IQSEC1: variants seen among roughly 807,000 people sequenced by gnomAD.
IQSEC1 encodes IQ motif and SEC7 domain-containing protein 1.
Under a neutral mutation model 91.0 loss-of-function variants are expected in IQSEC1, and 31 were observed. The observed-to-expected ratio is 0.34, with a 90% CI of 0.26 to 0.46. The LOEUF is 0.46. Ranked by LOEUF, IQSEC1 falls within the 20% of genes least tolerant of loss-of-function variation. IQSEC1 has a pLI of 1.00. For missense variants in IQSEC1, 1,388 were observed against 1,575.6 expected (o/e 0.88, Z 2.02); for synonymous variants, 699 against 662.6 (o/e 1.05, Z -0.84).
intron 1 of IQSEC1, among the ~76,000 whole-genome samples, chr3:13,007,129 C>T (rs1209017008): frequency 6.6e-6 from 1 of 152,200 alleles, no homozygotes; most frequent in Non-Finnish European, 1.5e-5. Context: ...GGGTGGAGTG[C>T]AGGAGAGGAA....
rs938901673 is a variant in IQSEC1, at chr3:13,274,452, G to A, written c.272+8259C>T. Among the ~76,000 whole-genome samples the A allele has an allele frequency of 9.2e-5, 14 of 152,238 alleles. 1 individual carries two copies. The South Asian group carries it at 2.1e-3, about 23-fold the overall frequency. On this transcript the variant is annotated intron_variant, in intron 1 of 15. Transcript: ENST00000648114. ...CTCCTGCGGTTCCCACGGAGGGGGC[G>A]GGCTCAGGCCCCTTGGTTCTCCACG...
At chr3:12,968,335 C>G (rs1700738837) in intron 1 of IQSEC1, among the ~76,000 whole-genome samples, 1 of 152,138 alleles carries the variant, frequency 6.6e-6, no homozygotes, top group Non-Finnish European at 1.5e-5. Context: ...AAAGTTGCTT[C>G]TTTCTCCCTA....
intron 1 of IQSEC1, among the ~76,000 whole-genome samples, chr3:13,072,484 C>T (rs893369926): frequency 6.6e-6 from 1 of 152,240 alleles, no homozygotes; most frequent in Non-Finnish European, 1.5e-5. Flanking sequence ...CCACAGAACA[C>T]CTGGGCACAC....
chr3:13,048,367 G>T (rs1179773737), intron 1 of IQSEC1, among the ~76,000 whole-genome samples: 1 of 152,198 alleles, frequency 6.6e-6, no homozygotes, highest in East Asian at 1.9e-4. Context: ...CCCACCTGGG[G>T]AGCATCAGCT....
intron 2 of IQSEC1, among the ~76,000 whole-genome samples, chr3:13,123,383 G>A (rs561436666): frequency 5.3e-5 from 8 of 152,362 alleles, no homozygotes; most frequent in Non-Finnish European, 7.3e-5. Flanking sequence ...TGGTGCTGGC[G>A]GAGTCAGGTC....
chr3:13,089,478 A>C (rs12492976), intron 2 of IQSEC1, among the ~76,000 whole-genome samples: 17,988 of 152,014 alleles, frequency 0.12, 1,110 homozygotes, highest in Middle Eastern at 0.21. Flanking sequence ...CCAGCTACTT[A>C]GGAGGCTGAG....
intron 1 of IQSEC1, among the ~76,000 whole-genome samples, chr3:12,974,004 T>TA (rs1284003228): frequency 4.1e-4 from 63 of 152,290 alleles, no homozygotes; most frequent in African/African-American, 1.5e-3. Flanking sequence ...GAATAAAAAT[T>TA]AGACGCAGCT....
intron 1 of IQSEC1, among the ~76,000 whole-genome samples, chr3:13,168,859 A>T (rs1693549839): frequency 6.6e-6 from 1 of 152,128 alleles, no homozygotes; most frequent in African/African-American, 2.4e-5. Flanking sequence ...GGCCCCCCAG[A>T]TTCTCTGCCA....
At chr3:13,185,678 G>T (rs752389370) in intron 1 of IQSEC1, among the ~76,000 whole-genome samples, 1 of 152,226 alleles carries the variant, frequency 6.6e-6, no homozygotes, top group African/African-American at 2.4e-5. Context: ...TGGGGAACCC[G>T]AGGTTCACAG....
At chr3:12,912,836 G>A (rs1695699478) in intron 9 of IQSEC1, among the ~76,000 whole-genome samples, 1 of 152,218 alleles carries the variant, frequency 6.6e-6, no homozygotes, top group African/African-American at 2.4e-5. Context: ...TCTGGCAAGA[G>A]CTCCCCAGTT....
Position 12,909,232 on chromosome 3 carries a change from T to A in IQSEC1, c.2578+41A>T, listed in dbSNP as rs1695326505. The A allele has an allele frequency of 6.2e-7, 1 of 1,602,706 alleles. No homozygotes were observed. The highest frequency in any genetic ancestry group is 8.5e-7 in the Non-Finnish European group (1 of 1,171,750). On this transcript the variant is annotated intron_variant, in intron 11 of 13. Transcript: ENST00000613206. The surrounding 1 kb of genome is among the most constrained non-coding windows in gnomAD (Gnocchi z 4.9). ...ACATGGGGAGGCAAGTGCCAGAGTC[T>A]GGCAAGTCTCGGCCTTCTGTCCATG...
At position 12,967,467 on chromosome 3, in the gene IQSEC1, A is replaced by G; in HGVS notation, c.24-25602T>C. On this transcript the variant is annotated intron_variant, in intron 1 of 13. Transcript: ENST00000613206. This position sits in a 1 kb window ranked among gnomAD's most constrained non-coding sequence, Gnocchi z 5.9. ...GGCACCACATGGCGGCCGCAGTGGG[A>G]GCGGGCCGGGCCGGGAGCCGGGACC... The G allele has an allele frequency of 2.0e-6, 3 of 1,509,948 alleles. No individual in the cohort carries two copies. Among genetic ancestry groups the G allele is most frequent in the Non-Finnish European group, 2.6e-6 (3 of 1,134,906 alleles). The allele number at this position is 1,509,948 out of a possible 1,614,324, so 93.5% of individuals were successfully genotyped here.
intron 2 of IQSEC1, among the ~76,000 whole-genome samples, chr3:12,941,062 A>C (rs1209868208): frequency 6.6e-6 from 1 of 152,194 alleles, no homozygotes; most frequent in Non-Finnish European, 1.5e-5. Flanking sequence ...GTGAGCCAGG[A>C]GGAATAGAGC....
At chr3:13,052,968 T>C in intron 1 of IQSEC1, 5 of 1,161,462 alleles carry the variant, frequency 4.3e-6, no homozygotes, top group Non-Finnish European at 6.4e-6. Flanking sequence ...TGCAATTCTT[T>C]ATAGACCCAG....
intron 2 of IQSEC1, among the ~76,000 whole-genome samples, chr3:13,099,040 G>A (rs1185198996): frequency 1.3e-5 from 2 of 152,232 alleles, no homozygotes; most frequent in Admixed American, 1.3e-4. Flanking sequence ...GGACTTTCGG[G>A]GGATGGGGGG....
chr3:13,282,826 G>C lies in IQSEC1; in HGVS notation c.157C>G (p.Leu53Val), dbSNP rs1191330849. 6.8e-6 allele frequency among the ~76,000 whole-genome samples: 1 copy of C among 147,864 alleles called. No individual in the cohort carries two copies. Among genetic ancestry groups the C allele is most frequent in the African/African-American group, 2.4e-5 (1 of 40,962 alleles). Residue 53 changes from leucine to valine, a missense_variant, in exon 1 of 16, where the codon CTG (leucine) becomes GTG (valine). Leu to Val is a conservative substitution (Grantham distance 32). Transcript: ENST00000648114. This position sits in a 1 kb window ranked among gnomAD's most constrained non-coding sequence, Gnocchi z 6.4. The stretch of plus-strand genomic sequence containing the variant: ...AGGTGTCGCCGGTGTCGCTCCAGCA[G>C]GCCGGCGTTCTCCCGGCTCAGCCGC...
intron 1 of IQSEC1, among the ~76,000 whole-genome samples, chr3:13,012,915 T>A (rs536978553): frequency 2.3e-4 from 34 of 149,390 alleles, no homozygotes; most frequent in African/African-American, 7.2e-4. Context: ...ACACCCAAGG[T>A]CACATAGCTA....
chr3:13,218,395 A>G (rs1156473295), intron 1 of IQSEC1, among the ~76,000 whole-genome samples: 8 of 152,196 alleles, frequency 5.3e-5, no homozygotes, highest in Non-Finnish European at 1.0e-4. Context: ...TGCATGAATG[A>G]GCTGGCTGGT....
At chr3:13,257,844 T>C (rs1695318619) in intron 1 of IQSEC1, among the ~76,000 whole-genome samples, 1 of 152,136 alleles carries the variant, frequency 6.6e-6, no homozygotes, top group South Asian at 2.1e-4. Flanking sequence ...GAGCTGAAAA[T>C]GTATGTCCAC....
Sources: allele counts gnomAD v4.1 joint callset (sites outside exome capture counted in the v4.1 genomes callset), GRCh38; gene constraint gnomAD v4.1.1; non-coding constraint Gnocchi (gnomAD v3.1); transcripts MANE v1.5; gene names NCBI Gene and HGNC (gene_info 2026-07-23, HGNC 2026-07-21).